RC3H2: variants seen among roughly 807,000 people sequenced by gnomAD.
RC3H2 encodes the protein ring finger and CCCH-type domains 2.
A neutral mutation model predicts 133.3 loss-of-function variants in RC3H2; 31 were observed. The ratio of observed to expected loss-of-function variants is 0.23; its 90% CI spans 0.17 to 0.31. RC3H2 has a LOEUF of 0.31. Ranked by LOEUF, RC3H2 falls within the 10% of genes least tolerant of loss-of-function variation. The pLI is 1.00. For synonymous variants in RC3H2, 517 were observed against 502.2 expected (o/e 1.03, Z -0.40); for missense variants, 1,175 against 1,437.2 (o/e 0.82, Z 2.95).
chr9:122,885,541 A>G (rs1037665242), intron 4 of RC3H2, among the ~76,000 whole-genome samples: 1 of 152,242 alleles, frequency 6.6e-6, no homozygotes, highest in African/African-American at 2.4e-5. Context: ...TGGAACTATA[A>G]TGGCAAAAAC....
chr9:122,868,540 G>A (rs1830859415), intron 9 of RC3H2, among the ~76,000 whole-genome samples: 1 of 151,768 alleles, frequency 6.6e-6, no homozygotes, highest in East Asian at 1.9e-4. Flanking sequence ...ATGCTTGAAG[G>A]CAGCATGCTC....
rs1204156218 is a variant in RC3H2, at chr9:122,868,893, GTGT to G, written c.1326-3239_1326-3237del. Among the ~76,000 whole-genome samples, 44 of 12,122 alleles carry G rather than the reference GTGT, an allele frequency of 3.6e-3. 1 individual carries two copies. The highest frequency in any genetic ancestry group is 8.5e-3 in the African/African-American group (43 of 5,042). 8.0% of individuals were successfully genotyped at this position (12,122 alleles called of 152,430 possible). On this transcript the variant is annotated intron_variant, in intron 9 of 20. Coordinates refer to ENST00000357244, the MANE Select transcript of RC3H2 (RefSeq NM_001100588.3). ...TGTGTGTGTGTGTGTGTGTGTGTAT[GTGT>G]TTTTTTTTTTTTTTTTTGTGGGGGG... is the stretch of plus-strand genomic sequence containing the variant.
chr9:122,850,310 T>C (rs192514301), intron 20 of RC3H2, among the ~76,000 whole-genome samples: 1 of 152,116 alleles, frequency 6.6e-6, no homozygotes, highest in Non-Finnish European at 1.5e-5. Context: ...ATGATAAAAA[T>C]TAAAATACTA....
At chr9:122,885,999 T>G (rs1292218853) in intron 4 of RC3H2, among the ~76,000 whole-genome samples, 1 of 152,234 alleles carries the variant, frequency 6.6e-6, no homozygotes, top group Non-Finnish European at 1.5e-5. Flanking sequence ...ACGATTCTTG[T>G]GCCTCAGCCT....
intron 1 of RC3H2, among the ~76,000 whole-genome samples, chr9:122,901,537 G>A (rs1832646593): frequency 6.6e-6 from 1 of 150,668 alleles, no homozygotes; most frequent in Non-Finnish European, 1.5e-5. Context: ...AATACACTAT[G>A]TGGTTGAACT....
At chr9:122,890,624 C>T (rs896185643) in intron 3 of RC3H2, 79 bp from the exon 4 acceptor site, 14 of 1,073,152 alleles carry the variant, frequency 1.3e-5, no homozygotes, top group East Asian at 2.5e-5. Context: ...CTGCATTTAA[C>T]GATTAAGCCA....
intron 10 of RC3H2, among the ~76,000 whole-genome samples, chr9:122,863,311 TG>T (rs1431462857): frequency 6.6e-6 from 1 of 152,216 alleles, no homozygotes; most frequent in Non-Finnish European, 1.5e-5. Context: ...AAAATTTTCT[TG>T]CCAAAAATCT....
chr9:122,881,112 A>C (rs1012975785), intron 5 of RC3H2, among the ~76,000 whole-genome samples: 1 of 152,206 alleles, frequency 6.6e-6, no homozygotes, highest in African/African-American at 2.4e-5. Flanking sequence ...GGGAGAAGAA[A>C]GGGATTTCAG....
At chr9:122,860,583 T>G (rs1259511372) in intron 10 of RC3H2, among the ~76,000 whole-genome samples, 2 of 151,788 alleles carry the variant, frequency 1.3e-5, no homozygotes, top group African/African-American at 4.8e-5. Flanking sequence ...TCGGCTAATT[T>G]TTAGTTTTTT....
intron 8 of RC3H2, among the ~76,000 whole-genome samples, chr9:122,878,772 C>T (rs1174215998): frequency 6.7e-6 from 1 of 148,844 alleles, no homozygotes; most frequent in African/African-American, 2.5e-5. Flanking sequence ...TTTTTGGAGA[C>T]AAGAGTCACT....
chr9:122,869,558 C>T (rs901139574), intron 9 of RC3H2, among the ~76,000 whole-genome samples: 2 of 116,664 alleles, frequency 1.7e-5, no homozygotes, highest in South Asian at 3.0e-4. Context: ...CCAGTTTACA[C>T]GATTTTTTTT....
intron 1 of RC3H2, among the ~76,000 whole-genome samples, chr9:122,904,675 T>A (rs1832773190): frequency 6.6e-6 from 1 of 152,008 alleles, no homozygotes; most frequent in Admixed American, 6.5e-5. Flanking sequence ...TATTTACCAC[T>A]CAGATCGCCT....
chr9:122,850,424 T>C (rs1185549577), intron 20 of RC3H2, among the ~76,000 whole-genome samples: 2 of 107,934 alleles, frequency 1.9e-5, no homozygotes, highest in Non-Finnish European at 1.7e-5. Context: ...CTATATTATA[T>C]GCTATCTATC....
In RC3H2 at chr9:122,855,493, T is replaced by C; in HGVS notation, c.2602-96A>G. Reference sequence around the variant, plus strand: ...AAAGACATGTAATTAGGTTTTTTGGTTAATTTAAAACTAGCTCTAGACTCA... The same window carrying C: ...AAAGACATGTAATTAGGTTTTTTGGCTAATTTAAAACTAGCTCTAGACTCA... On this transcript the variant is annotated intron_variant, in intron 14 of 20. Coordinates refer to ENST00000357244, the MANE Select transcript of RC3H2 (RefSeq NM_001100588.3). The C allele has an allele frequency of 2.4e-6, 3 of 1,248,004 alleles. No individual in the cohort carries two copies. In the South Asian group the frequency reaches 4.0e-5, roughly 16 times the overall value. 77.3% of individuals were successfully genotyped at this position (1,248,004 alleles called of 1,614,324 possible). A position where few individuals can be genotyped will look rare whatever the true frequency, so the allele number is the denominator to read the frequency against.
At chr9:122,856,620 A>T (rs1830260055) in intron 13 of RC3H2, among the ~76,000 whole-genome samples, 1 of 152,238 alleles carries the variant, frequency 6.6e-6, no homozygotes, top group South Asian at 2.1e-4. Flanking sequence ...TAAATTATGC[A>T]GTATCAAAGA....
chr9:122,857,682 T>C (rs934865107), intron 13 of RC3H2, among the ~76,000 whole-genome samples: 5 of 152,180 alleles, frequency 3.3e-5, no homozygotes, highest in Non-Finnish European at 7.3e-5. Context: ...AAAACAACCA[T>C]AAAATAATTA....
chr9:122,880,244 G>C (rs1249449651), intron 6 of RC3H2, 119 bp from the exon 7 acceptor site: 1 of 1,138,330 alleles, frequency 8.8e-7, no homozygotes, highest in Non-Finnish European at 1.3e-6. Context: ...TTCCACAGTA[G>C]GAGTATCAGT....
chr9:122,860,204 A>C (rs1157395796), intron 10 of RC3H2, 73 bp from the exon 11 acceptor site: 1 of 1,125,190 alleles, frequency 8.9e-7, no homozygotes, highest in African/African-American at 1.6e-5. Flanking sequence ...AGAAATTTTT[A>C]ATAAAATTAT....
intron 4 of RC3H2, among the ~76,000 whole-genome samples, chr9:122,884,962 G>A (rs772119324): frequency 1.3e-5 from 2 of 151,902 alleles, no homozygotes; most frequent in African/African-American, 2.4e-5. Flanking sequence ...GAATAAAGAC[G>A]ACTAAAAAGA....
Sources: allele counts gnomAD v4.1 joint callset (sites outside exome capture counted in the v4.1 genomes callset), GRCh38; gene constraint gnomAD v4.1.1; transcripts MANE v1.5; gene names NCBI Gene and HGNC (gene_info 2026-07-23, HGNC 2026-07-21).